The following CSGALNACT1 variants were observed in gnomAD, a reference collection of about 807,000 sequenced individuals.
CSGALNACT1 encodes beta4GalNAcT-1.
CSGALNACT1 carries 52 observed loss-of-function variants against 51.0 expected under a neutral mutation model. The ratio of observed to expected loss-of-function variants is 1.02; its 90% confidence interval spans 0.82 to 1.29. The LOEUF (loss-of-function observed/expected upper bound fraction) is 1.29, where lower values mean the gene tolerates loss of function less well. Ranked by LOEUF, CSGALNACT1 falls within the 50% of genes most tolerant of loss-of-function variation. The pLI is 0.00. For missense variants in CSGALNACT1, 935 were observed against 679.2 expected (o/e 1.38, Z -4.19); for synonymous variants, 341 against 254.4 (o/e 1.34, Z -3.24).
intron 4 of CSGALNACT1, among the ~76,000 whole-genome samples, chr8:19,488,712 G>A (rs929544749): frequency 6.6e-5 from 10 of 152,070 alleles, no homozygotes; most frequent in Admixed American, 1.3e-4. Context: ...CTGCTATAAT[G>A]ACATGTGTAA....
chr8:19,425,073 T>C (rs2058565176), intron 6 of CSGALNACT1, among the ~76,000 whole-genome samples: 1 of 152,214 alleles, frequency 6.6e-6, no homozygotes. Context: ...CCAGGTGCAG[T>C]GGCTCATGCT....
At chr8:19,590,858 C>T (rs1454062813) in intron 3 of CSGALNACT1, among the ~76,000 whole-genome samples, 2 of 151,898 alleles carry the variant, frequency 1.3e-5, no homozygotes, top group African/African-American at 2.4e-5. Flanking sequence ...ACCATGTTGG[C>T]CAGGCTGGTT....
At chr8:19,488,285 G>C (rs6986068) in intron 4 of CSGALNACT1, among the ~76,000 whole-genome samples, 23,270 of 150,646 alleles carry the variant, frequency 0.15, 1,972 homozygotes, top group Middle Eastern at 0.21. Context: ...GGCAGGCAGA[G>C]ATTGCAGTGA....
chr8:19,666,805 AAGAAAGAG>A lies in CSGALNACT1; in HGVS notation c.-544+15660_-544+15667del, dbSNP rs1364960787. Among the ~76,000 whole-genome samples the A allele has an allele frequency of 4.7e-3, 100 of 21,122 alleles. 5 individuals carry two copies. The highest frequency in any genetic ancestry group is 0.014 in the South Asian group (8 of 582). 13.9% of individuals were successfully genotyped at this position (21,122 alleles called of 152,430 possible). A position where few individuals can be genotyped will look rare whatever the true frequency, so the allele number is the denominator to read the frequency against. ...AAAGAAAGAAAGAAAGAAAGAAAGA[AAGAAAGAG>A]AGAGAGAGAGAGAGAGAGAGAAAGA... On this transcript the variant is annotated intron_variant, in intron 1 of 9. Transcript: ENST00000332246.
chr8:19,755,924 G>T (rs1051327823), intron 1 of CSGALNACT1, among the ~76,000 whole-genome samples: 1 of 152,184 alleles, frequency 6.6e-6, no homozygotes, highest in Non-Finnish European at 1.5e-5. Flanking sequence ...GGTATGGCCC[G>T]TCTCTTGCTT....
At chr8:19,596,999 T>A (rs1464980789) in intron 2 of CSGALNACT1, among the ~76,000 whole-genome samples, 1 of 152,182 alleles carries the variant, frequency 6.6e-6, no homozygotes. Context: ...AAGTGCCCAT[T>A]CTTGCCTCCC....
intron 1 of CSGALNACT1, among the ~76,000 whole-genome samples, chr8:19,607,951 T>A (rs2051629839): frequency 6.6e-6 from 1 of 152,120 alleles, no homozygotes; most frequent in Non-Finnish European, 1.5e-5. Flanking sequence ...GAGACTTAGA[T>A]GTTAAGACTA....
intron 1 of CSGALNACT1, among the ~76,000 whole-genome samples, chr8:19,618,739 C>G (rs1369400231): frequency 6.6e-6 from 1 of 151,470 alleles, no homozygotes; most frequent in Non-Finnish European, 1.5e-5. Context: ...GTCCTAGAAA[C>G]CACAGTTCAG....
chr8:19,479,300 A>C (rs373213075), intron 4 of CSGALNACT1, among the ~76,000 whole-genome samples: 1 of 152,232 alleles, frequency 6.6e-6, no homozygotes, highest in Non-Finnish European at 1.5e-5. Flanking sequence ...AACACACTCC[A>C]TTGTCTTTGG....
chr8:19,749,352 G>A (rs2064886942), intron 1 of CSGALNACT1, among the ~76,000 whole-genome samples: 2 of 144,622 alleles, frequency 1.4e-5, no homozygotes, highest in African/African-American at 5.2e-5. Flanking sequence ...TAAATTTTTG[G>A]CTTTAAAAAA....
At position 19,432,395 on chromosome 8, in the gene CSGALNACT1, A is replaced by G. The variant is rs545621234; in HGVS notation, c.953+7435T>C. ...GTCTTTGGATTTCAAAAATGTGATT[A>G]TAAGTTTAATGTGGATTTCTATGAA... On this transcript the variant is annotated intron_variant, in intron 6 of 9. Transcript: ENST00000454498. 5.9e-5 allele frequency among the ~76,000 whole-genome samples: 9 copies of G among 152,318 alleles called. No individual in the cohort carries two copies. The South Asian group carries it at 1.7e-3, about 28-fold the overall frequency.
intron 1 of CSGALNACT1, among the ~76,000 whole-genome samples, chr8:19,657,648 C>T (rs2058399359): frequency 6.6e-6 from 1 of 152,182 alleles, no homozygotes; most frequent in Non-Finnish European, 1.5e-5. Context: ...CTCAATCTAG[C>T]ATTGGTACTA....
chr8:19,750,549 T>C (rs2064967225), intron 1 of CSGALNACT1, among the ~76,000 whole-genome samples: 1 of 152,174 alleles, frequency 6.6e-6, no homozygotes, highest in Non-Finnish European at 1.5e-5. Flanking sequence ...TTCGTTTAAT[T>C]CTTGCAACAA....
chr8:19,553,639 A>ATATATATATATATAT lies in CSGALNACT1; in HGVS notation c.-297+37520_-297+37521insATATATATATATATA, dbSNP rs869251447. On this transcript the variant is annotated intron_variant, in intron 3 of 9. Coordinates refer to ENST00000454498, the Ensembl canonical transcript of CSGALNACT1. ...TAAATACATATATATATATATATAT[A>ATATATATATATATAT]AAAAAATATGTCAGCCTTTCTATTA... Among the ~76,000 whole-genome samples, 45 of 126,602 alleles carry ATATATATATATATAT rather than the reference A, an allele frequency of 3.6e-4. 2 individuals are homozygous for ATATATATATATATAT. Among genetic ancestry groups the ATATATATATATATAT allele is most frequent in the African/African-American group, 1.3e-3 (41 of 31,692 alleles). 83.1% of individuals were successfully genotyped at this position (126,602 alleles called of 152,430 possible).
chr8:19,556,206 C>G (rs2039379812), intron 3 of CSGALNACT1, among the ~76,000 whole-genome samples: 1 of 151,798 alleles, frequency 6.6e-6, no homozygotes, highest in Non-Finnish European at 1.5e-5. Flanking sequence ...GAAACACTGT[C>G]TCTACTAAAA....
At chr8:19,474,527 C>T (rs569819567) in intron 4 of CSGALNACT1, among the ~76,000 whole-genome samples, 7 of 152,170 alleles carry the variant, frequency 4.6e-5, no homozygotes, top group South Asian at 2.1e-4. Flanking sequence ...AGATATGCTT[C>T]GGCTGACCCA....
chr8:19,512,484 T>A (rs1426618492), intron 3 of CSGALNACT1, among the ~76,000 whole-genome samples: 2 of 152,204 alleles, frequency 1.3e-5, no homozygotes, highest in African/African-American at 4.8e-5. Context: ...AACAGATAGA[T>A]AACTAATTCA....
chr8:19,697,168 A>G (rs1438931498), intron 1 of CSGALNACT1, among the ~76,000 whole-genome samples: 2 of 152,186 alleles, frequency 1.3e-5, no homozygotes, highest in Non-Finnish European at 2.9e-5. Context: ...GGAGACAAAG[A>G]GACCAAATAA....
intron 3 of CSGALNACT1, among the ~76,000 whole-genome samples, chr8:19,557,439 T>C (rs1218740993): frequency 6.6e-6 from 1 of 152,202 alleles, no homozygotes; most frequent in African/African-American, 2.4e-5. Flanking sequence ...TCCCAAATCC[T>C]GGACCAGGGC....
Sources: allele counts gnomAD v4.1 joint callset (sites outside exome capture counted in the v4.1 genomes callset), GRCh38; gene constraint gnomAD v4.1.1; transcripts MANE v1.5; gene names NCBI Gene and HGNC (gene_info 2026-07-23, HGNC 2026-07-21).